The following FAT1 variants were observed in gnomAD, a reference collection of about 807,000 sequenced individuals.
The protein encoded by FAT1 is FAT atypical cadherin 1.
In FAT1, 171 loss-of-function variants were observed where a neutral mutation model predicts 329.8. The observed-to-expected ratio is 0.52, with a 90% CI of 0.46 to 0.59. The LOEUF is 0.59. Among genes scored for constraint, FAT1 ranks in the 20% least tolerant of loss-of-function variants. FAT1 has a pLI of 0.00. For missense variants in FAT1, 5,672 were observed against 5,774.4 expected (o/e 0.98, Z 0.57); for synonymous variants, 2,233 against 2,228.6 (o/e 1.00, Z -0.06).
intron 2 of FAT1, among the ~76,000 whole-genome samples, chr4:186,664,869 G>T (rs559613917): frequency 1.3e-5 from 2 of 152,242 alleles, no homozygotes; most frequent in African/African-American, 4.8e-5. Context: ...GCAAACTACT[G>T]TGAGAAAAAT....
At position 186,628,772 on chromosome 4, in the gene FAT1, G is replaced by T; in HGVS notation, c.4324-9C>A. Reference sequence around the variant, plus strand: ...ATTACTTTGATGAATACCTGTAATGGATGACAAAATGACTCATACAATATT... The same window carrying T: ...ATTACTTTGATGAATACCTGTAATGTATGACAAAATGACTCATACAATATT... On this transcript the variant is annotated splice_polypyrimidine_tract_variant and intron_variant, in intron 7 of 26. Transcript: ENST00000441802. 6.2e-7 allele frequency: 1 copy of T among 1,608,560 alleles called. No individual in the cohort carries two copies.
intron 2 of FAT1, among the ~76,000 whole-genome samples, chr4:186,689,878 C>T (rs975001116): frequency 1.3e-5 from 2 of 152,190 alleles, no homozygotes; most frequent in African/African-American, 2.4e-5. Context: ...GGAAAATTAA[C>T]ACACCATGTG....
chr4:186,656,102 T>C (rs993390171), intron 3 of FAT1, among the ~76,000 whole-genome samples: 1 of 152,222 alleles, frequency 6.6e-6, no homozygotes, highest in African/African-American at 2.4e-5. Flanking sequence ...AAAGCTTGAC[T>C]GAGGATCTCA....
chr4:186,606,076 A>G lies in FAT1; in HGVS notation c.10344T>C (p.Ile3448=), dbSNP rs971095424. The G allele has an allele frequency of 1.9e-6, 3 of 1,612,922 alleles. No homozygotes were observed. The African/African-American group carries it at 4.0e-5, about 22-fold the overall frequency. The change falls in exon 17 of 27, where the codon ATT becomes ATC. Residue 3448 remains isoleucine, a synonymous_variant. Transcript: ENST00000441802. ...CTTGGCACTCGAAGCCCACCTGGAT[A>G]ATGACACTGTAGTTTCCCCTGGAGA... ...PVFSRGNYSV[I]IQENKPVGFS...
intron 17 of FAT1, 115 bp from the exon 18 acceptor site, chr4:186,604,689 G>A: frequency 1.5e-6 from 1 of 650,664 alleles, no homozygotes; most frequent in Non-Finnish European, 2.5e-6. Flanking sequence ...AAGCCTTTCT[G>A]CTCTATCTGA....
intron 14 of FAT1, among the ~76,000 whole-genome samples, chr4:186,610,685 ATTATATAATTTATATAAATATAAAT>A (rs1461773021): frequency 0.24 from 17,771 of 73,992 alleles, 1,806 homozygotes; most frequent in East Asian, 0.47. Flanking sequence ...ATAAATATAA[ATTATATAATTTATATAAATATAAAT>A]TTATATAATT....
At chr4:186,600,619 G>A (rs1738767659) in intron 21 of FAT1, among the ~76,000 whole-genome samples, 1 of 152,228 alleles carries the variant, frequency 6.6e-6, no homozygotes, top group African/African-American at 2.4e-5. Flanking sequence ...TAAGCATTAG[G>A]TAATATCAAA....
At chr4:186,671,685 C>T (rs371100130) in intron 2 of FAT1, among the ~76,000 whole-genome samples, 9 of 150,724 alleles carry the variant, frequency 6.0e-5, no homozygotes, top group African/African-American at 1.5e-4. Flanking sequence ...GCAACAAGAG[C>T]GAAACTCCGT....
At chr4:186,687,945 C>A (rs758010903) in intron 2 of FAT1, among the ~76,000 whole-genome samples, 1 of 151,986 alleles carries the variant, frequency 6.6e-6, no homozygotes, top group Admixed American at 6.6e-5. Context: ...GAAAAGTTCA[C>A]CAGGGTTCTA....
chr4:186,604,986 A>T (rs2126442111), intron 17 of FAT1, among the ~76,000 whole-genome samples: 1 of 152,006 alleles, frequency 6.6e-6, no homozygotes, highest in East Asian at 2.0e-4. Context: ...TGGGAGGCTG[A>T]GGCGGGCGGA....
intron 7 of FAT1, among the ~76,000 whole-genome samples, chr4:186,631,030 T>C (rs543869506): frequency 6.6e-6 from 1 of 152,312 alleles, no homozygotes; most frequent in East Asian, 1.9e-4. Context: ...CGCAGGGCAC[T>C]GGCAGTTCTC....
At chr4:186,614,457 T>C (rs1488783994) in intron 11 of FAT1, 113 bp from the exon 12 acceptor site, 1 of 685,140 alleles carries the variant, frequency 1.5e-6, no homozygotes, top group African/African-American at 1.9e-5. Context: ...ACATGGGAAA[T>C]GACTAAAGAT....
chr4:186,629,831 G>A (rs1325747505), intron 7 of FAT1, among the ~76,000 whole-genome samples: 2 of 152,202 alleles, frequency 1.3e-5, no homozygotes, highest in Non-Finnish European at 2.9e-5. Context: ...AAGGTTGCAT[G>A]TGAAAGCTAT....
intron 3 of FAT1, among the ~76,000 whole-genome samples, chr4:186,648,868 G>A (rs1317868689): frequency 6.6e-6 from 1 of 151,998 alleles, no homozygotes; most frequent in South Asian, 2.1e-4. Context: ...ATCCCATGCT[G>A]ACCTCCTCAG....
chr4:186,662,137 T>A lies in FAT1; in HGVS notation c.3580+1162A>T, dbSNP rs568806270. Among the ~76,000 whole-genome samples the A allele has an allele frequency of 1.6e-4, 25 of 152,178 alleles. No individual in the cohort carries two copies. In the South Asian group the frequency reaches 3.7e-3, roughly 23 times the overall value. On this transcript the variant is annotated intron_variant, in intron 3 of 26. Coordinates refer to ENST00000441802, the MANE Select transcript of FAT1 (RefSeq NM_005245.4). ...AGGGTTTTTGTTCACACTCACATTG[T>A]GTCAATCAAGGCTTTTACTTCTAGA... is the stretch of plus-strand genomic sequence containing the variant.
At chr4:186,594,217 C>T (rs529161123) in intron 26 of FAT1, among the ~76,000 whole-genome samples, 1 of 152,122 alleles carries the variant, frequency 6.6e-6, no homozygotes, top group East Asian at 2.0e-4. Context: ...AGGTGCCCAC[C>T]ACCACGCCCG....
chr4:186,657,940 G>A (rs1044260341), intron 3 of FAT1, among the ~76,000 whole-genome samples: 1 of 152,154 alleles, frequency 6.6e-6, no homozygotes, highest in Non-Finnish European at 1.5e-5. Flanking sequence ...AGTCTCTTTT[G>A]TTTGGGACTC....
At chr4:186,663,879 G>C (rs865825788) in intron 2 of FAT1, among the ~76,000 whole-genome samples, 2 of 152,156 alleles carry the variant, frequency 1.3e-5, no homozygotes, top group Non-Finnish European at 2.9e-5. Flanking sequence ...ATTAGAATCA[G>C]GTGTCAGGCA....
chr4:186,601,125 G>A, intron 21 of FAT1, 144 bp downstream of exon 21: 1 of 742,936 alleles, frequency 1.3e-6, no homozygotes, highest in African/African-American at 1.7e-5. Flanking sequence ...TCTAAAACTT[G>A]TACAGGCATC....
Sources: allele counts gnomAD v4.1 joint callset (sites outside exome capture counted in the v4.1 genomes callset), GRCh38; gene constraint gnomAD v4.1.1; transcripts MANE v1.5; gene names NCBI Gene and HGNC (gene_info 2026-07-23, HGNC 2026-07-21).